TFEC: variants seen among roughly 807,000 people sequenced by gnomAD.
TFEC encodes the protein transcription factor EC.
TFEC carries 31 observed loss-of-function variants against 41.6 expected under a neutral mutation model. The ratio of observed to expected loss-of-function variants is 0.74; its 90% confidence interval spans 0.56 to 1.01. The LOEUF (loss-of-function observed/expected upper bound fraction) is 1.01, where lower values mean the gene tolerates loss of function less well. Among genes scored for constraint, TFEC ranks in the 50% least tolerant of loss-of-function variants. The pLI is 0.00. For synonymous variants in TFEC, 143 were observed against 140.6 expected (o/e 1.02, Z -0.12); for missense variants, 402 against 404.1 (o/e 0.99, Z 0.04).
chr7:116,132,778 T>G (rs1253632264), intron 1 of TFEC, among the ~76,000 whole-genome samples: 1 of 152,232 alleles, frequency 6.6e-6, no homozygotes, highest in Non-Finnish European at 1.5e-5. Context: ...AAACAACTTT[T>G]AAACAAGCTA....
intron 1 of TFEC, chr7:116,112,120 A>C: frequency 1.4e-6 from 1 of 698,386 alleles, no homozygotes; most frequent in Non-Finnish European, 1.8e-6. Context: ...GTTGTACATT[A>C]TTATAAGGCA....
At chr7:115,964,747 A>G (rs1218296939) in intron 3 of TFEC, among the ~76,000 whole-genome samples, 1 of 151,592 alleles carries the variant, frequency 6.6e-6, no homozygotes, top group East Asian at 1.9e-4. Flanking sequence ...TCCTTTTGAC[A>G]TTCAACTTTG....
chr7:116,023,110 T>G (rs1353046979), intron 1 of TFEC, among the ~76,000 whole-genome samples: 1 of 151,954 alleles, frequency 6.6e-6, no homozygotes, highest in Admixed American at 6.6e-5. Flanking sequence ...GTGGTTTATA[T>G]TGTAAGTTCA....
chr7:115,971,969 T>G (rs1382003069), intron 3 of TFEC, among the ~76,000 whole-genome samples: 1 of 152,088 alleles, frequency 6.6e-6, no homozygotes, highest in South Asian at 2.1e-4. Flanking sequence ...AACCAAAAGT[T>G]CACTGGCTAA....
At chr7:116,068,203 G>T (rs997783369) in intron 3 of TFEC, among the ~76,000 whole-genome samples, 1 of 151,760 alleles carries the variant, frequency 6.6e-6, no homozygotes, top group Admixed American at 6.6e-5. Context: ...TTTGTCGGGG[G>T]TTGGGAGACT....
intron 1 of TFEC, among the ~76,000 whole-genome samples, chr7:116,123,311 C>T (rs2116232407): frequency 6.6e-6 from 1 of 152,136 alleles, no homozygotes; most frequent in Non-Finnish European, 1.5e-5. Flanking sequence ...TTGGATCCAA[C>T]CTCTCCTTTT....
chr7:116,155,820 A>G (rs1298000872), intron 1 of TFEC, among the ~76,000 whole-genome samples: 1 of 152,126 alleles, frequency 6.6e-6, no homozygotes, highest in East Asian at 1.9e-4. Context: ...TACCTTACCA[A>G]TAAAATAAAA....
intron 1 of TFEC, among the ~76,000 whole-genome samples, chr7:116,151,933 T>C (rs527733473): frequency 1.6e-4 from 25 of 152,266 alleles, no homozygotes; most frequent in African/African-American, 6.0e-4. Context: ...TTTCATTTCT[T>C]CCCAATACAG....
Position 115,940,794 on chromosome 7 carries a change from C to T in TFEC, c.801G>A (p.Val267=), listed in dbSNP as rs1326698942. 4 of 1,613,500 alleles carry T rather than the reference C, an allele frequency of 2.5e-6. No homozygotes were observed. In the African/African-American group the frequency reaches 5.3e-5, roughly 22 times the overall value. The stretch of plus-strand genomic sequence containing the variant: ...AGAGCTCAGGGCTTGGCCCCTGAGA[C>T]ACAGTCAGTTGTTGGCAATAGTCTA... ...NSVDYCQQLT[V]SQGPSPELCD... Residue 267 remains valine, a synonymous_variant, in exon 8 of 8, where the codon GTG becomes GTA. Transcript: ENST00000265440.
At chr7:116,093,735 G>T (rs927940956) in intron 3 of TFEC, among the ~76,000 whole-genome samples, 1 of 152,000 alleles carries the variant, frequency 6.6e-6, no homozygotes, top group Non-Finnish European at 1.5e-5. Flanking sequence ...CCAAAGTTCC[G>T]ATAGGGAAAG....
In TFEC at chr7:116,002,581, A is replaced by C. The variant is rs1341682861; in HGVS notation, c.-72-18068T>G. On this transcript the variant is annotated intron_variant, in intron 1 of 7. Transcript: ENST00000265440. Reference sequence around the variant, plus strand: ...TTAATGGATACCAACATATCATTAGATATAATGAATAAGATCTAGTGTTTT... The same window carrying C: ...TTAATGGATACCAACATATCATTAGCTATAATGAATAAGATCTAGTGTTTT... Among the ~76,000 whole-genome samples, 6 of 152,310 alleles carry C rather than the reference A, an allele frequency of 3.9e-5. No homozygotes were observed. The South Asian group carries it at 1.0e-3, about 26-fold the overall frequency.
intron 3 of TFEC, among the ~76,000 whole-genome samples, chr7:116,067,885 C>T (rs1016815995): frequency 1.3e-5 from 2 of 151,864 alleles, no homozygotes; most frequent in East Asian, 1.9e-4. Context: ...AGGACAGGAG[C>T]TCTCATCTCA....
At chr7:115,978,717 T>A (rs1475697237) in intron 2 of TFEC, among the ~76,000 whole-genome samples, 3 of 152,208 alleles carry the variant, frequency 2.0e-5, no homozygotes, top group Non-Finnish European at 4.4e-5. Context: ...TGATCAGTTC[T>A]TATTTTACTA....
At chr7:116,139,698 A>G (rs965311700) in intron 1 of TFEC, among the ~76,000 whole-genome samples, 2 of 152,246 alleles carry the variant, frequency 1.3e-5, no homozygotes, top group East Asian at 3.8e-4. Flanking sequence ...GAAGGAGATT[A>G]TATTTGTGTC....
At chr7:116,073,056 G>A (rs1796868113) in intron 3 of TFEC, among the ~76,000 whole-genome samples, 1 of 151,398 alleles carries the variant, frequency 6.6e-6, no homozygotes, top group South Asian at 2.1e-4. Flanking sequence ...TACTATCTCT[G>A]TTTGTAGATG....
At chr7:115,980,763 A>G (rs553002041) in intron 2 of TFEC, among the ~76,000 whole-genome samples, 30 of 142,398 alleles carry the variant, frequency 2.1e-4, no homozygotes, top group African/African-American at 8.1e-4. Flanking sequence ...CAAAAACAAA[A>G]CAAAACAAAA....
chr7:116,078,146 A>G (rs1252997165), intron 3 of TFEC, among the ~76,000 whole-genome samples: 4 of 152,074 alleles, frequency 2.6e-5, no homozygotes, highest in African/African-American at 4.8e-5. Flanking sequence ...ACGCAAATAC[A>G]TGCAAATTAA....
chr7:116,072,326 G>T (rs1281001961), intron 3 of TFEC, among the ~76,000 whole-genome samples: 1 of 151,358 alleles, frequency 6.6e-6, no homozygotes, highest in Non-Finnish European at 1.5e-5. Flanking sequence ...CATTCCTTTT[G>T]CTCATAAAGT....
chr7:116,114,141 G>C (rs1007938627), intron 1 of TFEC, among the ~76,000 whole-genome samples: 3 of 151,958 alleles, frequency 2.0e-5, no homozygotes, highest in African/African-American at 7.2e-5. Context: ...ACTTCAAACA[G>C]TGCTTCACAC....
Sources: gnomAD v4.1 joint callset for allele counts (sites outside exome capture counted in the v4.1 genomes callset) on GRCh38, gnomAD v4.1.1 for gene constraint, MANE v1.5 for transcripts, NCBI Gene and HGNC (gene_info 2026-07-23, HGNC 2026-07-21) for gene names.